The following CACNG7 variants were observed in gnomAD, a reference collection of about 807,000 sequenced individuals.
The protein encoded by CACNG7 is voltage-dependent calcium channel gamma-7 subunit.
A neutral mutation model predicts 26.3 loss-of-function variants in CACNG7; 9 were observed. The ratio of observed to expected loss-of-function variants is 0.34; its 90% CI spans 0.21 to 0.60. CACNG7 has a LOEUF of 0.60. CACNG7 is among the 20% of genes least tolerant of loss of function. The pLI is 0.81. For missense variants in CACNG7, 297 were observed against 380.4 expected (o/e 0.78, Z 1.82); for synonymous variants, 170 against 157.0 (o/e 1.08, Z -0.62).
At chr19:53,917,603 G>A (rs982577799) in intron 4 of CACNG7, among the ~76,000 whole-genome samples, 1 of 152,138 alleles carries the variant, frequency 6.6e-6, no homozygotes, top group East Asian at 1.9e-4. Context: ...GAATCACAGC[G>A]GGTGGAGCCC....
chr19:53,925,164 T>G (rs1185516228), intron 4 of CACNG7, among the ~76,000 whole-genome samples: 2 of 93,528 alleles, frequency 2.1e-5, no homozygotes, highest in African/African-American at 6.1e-5. Flanking sequence ...TTGCCCCAGG[T>G]CTGGTCATTG....
At chr19:53,915,117 G>A (rs1488295912) in intron 3 of CACNG7, among the ~76,000 whole-genome samples, 1 of 151,922 alleles carries the variant, frequency 6.6e-6, no homozygotes, top group Admixed American at 6.6e-5. Context: ...GGTGAGGAGC[G>A]GTCAATCAGA....
intron 4 of CACNG7, among the ~76,000 whole-genome samples, chr19:53,934,930 A>T (rs1004248564): frequency 6.6e-6 from 1 of 152,016 alleles, no homozygotes; most frequent in Non-Finnish European, 1.5e-5. Context: ...ATGAACTCTC[A>T]TATCCTTCAC....
Position 53,922,131 on chromosome 19 carries a change from G to T in CACNG7, c.424+6626G>T, listed in dbSNP as rs1332534781. 4.1e-5 allele frequency among the ~76,000 whole-genome samples: 5 copies of T among 120,798 alleles called. 1 individual carries two copies. Among genetic ancestry groups the T allele is most frequent in the Non-Finnish European group, 8.4e-5 (5 of 59,272 alleles). 79.2% of individuals were successfully genotyped at this position (120,798 alleles called of 152,430 possible). On this transcript the variant is annotated intron_variant, in intron 4 of 5. Transcript: ENST00000391767. ...CATTGGTGGAGTTGCCCCAGGCCTG[G>T]TCATTGGTGGAGTTGTCCCCAGGTC... is the stretch of plus-strand genomic sequence containing the variant.
intron 4 of CACNG7, among the ~76,000 whole-genome samples, chr19:53,941,024 T>C (rs966480001): frequency 6.7e-6 from 1 of 150,204 alleles, no homozygotes; most frequent in Non-Finnish European, 1.5e-5. Context: ...ATCGGGCCAC[T>C]GCACTCCAGC....
chr19:53,934,122 C>T (rs2069090581), intron 4 of CACNG7, among the ~76,000 whole-genome samples: 1 of 152,158 alleles, frequency 6.6e-6, no homozygotes, highest in South Asian at 2.1e-4. Context: ...GTCTCAAACT[C>T]CTGACCTCAG....
In CACNG7 at chr19:53,922,345, C is replaced by T. The variant is rs777263647; in HGVS notation, c.424+6840C>T. Among the ~76,000 whole-genome samples, 110 of 48,248 alleles carry T rather than the reference C, an allele frequency of 2.3e-3. 6 individuals carry two copies. Among genetic ancestry groups the T allele is most frequent in the African/African-American group, 7.2e-3 (48 of 6,628 alleles). The allele number at this position is 48,248 out of a possible 152,430, so 31.7% of individuals were successfully genotyped here. On this transcript the variant is annotated intron_variant, in intron 4 of 5. Transcript: ENST00000391767. Reference sequence around the variant, plus strand: ...GGTCATTGGTGGAGTTGTCCCCAGGCCTGGTCATTGGTGGAGTTGTCCCCA... The same window carrying T: ...GGTCATTGGTGGAGTTGTCCCCAGGTCTGGTCATTGGTGGAGTTGTCCCCA...
chr19:53,942,663 C>A lies in CACNG7; in HGVS notation c.*370C>A. ...GCAAGCGCCCAGCTCCCCAGAGCTCCCCAACCTCGGACCTCACCGCAGGGG... is the reference window on the plus strand; with the variant it reads ...GCAAGCGCCCAGCTCCCCAGAGCTCACCAACCTCGGACCTCACCGCAGGGG... On this transcript the variant is annotated 3_prime_UTR_variant, in exon 6 of 6. Coordinates refer to ENST00000391767, the MANE Select transcript of CACNG7 (RefSeq NM_031896.5). The surrounding 1 kb of genome is among the most constrained non-coding windows in gnomAD (Gnocchi z 5.9). 1.1e-6 allele frequency: 1 copy of A among 926,478 alleles called. No homozygotes were observed. The highest frequency in any genetic ancestry group is 1.4e-6 in the Non-Finnish European group (1 of 739,816). The allele number at this position is 926,478 out of a possible 1,614,324, so 57.4% of individuals were successfully genotyped here. A position where few individuals can be genotyped will look rare whatever the true frequency, so the allele number is the denominator to read the frequency against.
Position 53,941,457 on chromosome 19 carries a change from T to C in CACNG7, c.425-13T>C. ...ACTTCTAATGGACGAGGGCACCCCCTCTGCTCCCCTAGGCCTCTCCTTGGT... is the reference window on the plus strand; with the variant it reads ...ACTTCTAATGGACGAGGGCACCCCCCCTGCTCCCCTAGGCCTCTCCTTGGT... On this transcript the variant is annotated splice_polypyrimidine_tract_variant and intron_variant, in intron 4 of 5. Coordinates refer to ENST00000391767, the MANE Select transcript of CACNG7 (RefSeq NM_031896.5). 1 of 1,524,846 alleles carries C rather than the reference T, an allele frequency of 6.6e-7. No homozygotes were observed. Among genetic ancestry groups the C allele is most frequent in the Non-Finnish European group, 8.8e-7 (1 of 1,142,476 alleles). The allele number at this position is 1,524,846 out of a possible 1,614,324, so 94.5% of individuals were successfully genotyped here.
In CACNG7 at chr19:53,909,452, A is replaced by C. The variant is rs986480411; in HGVS notation, c.-95A>C. 1.3e-5 allele frequency: 2 copies of C among 149,726 alleles called. No homozygotes were observed. The highest frequency in any genetic ancestry group is 1.5e-5 in the Non-Finnish European group (1 of 67,032). 9.3% of individuals were successfully genotyped at this position (149,726 alleles called of 1,614,324 possible). Reference sequence around the variant, plus strand: ...GGTGGCGGCGGCGGCGGCCGGGGGAAGCCTCGGGGCCGGTCATGCGGCTGC... The same window carrying C: ...GGTGGCGGCGGCGGCGGCCGGGGGACGCCTCGGGGCCGGTCATGCGGCTGC... On this transcript the variant is annotated 5_prime_UTR_variant, in exon 1 of 6. Transcript: ENST00000391767. This position sits in a 1 kb window ranked among gnomAD's most constrained non-coding sequence, Gnocchi z 5.1.
intron 4 of CACNG7, among the ~76,000 whole-genome samples, chr19:53,928,007 T>C (rs7252013): frequency 0.068 from 10,205 of 149,308 alleles, 539 homozygotes; most frequent in African/African-American, 0.14. Context: ...ACAAAGCAGA[T>C]GTAGTTGAGG....
chr19:53,937,917 C>G (rs2069115273), intron 4 of CACNG7, among the ~76,000 whole-genome samples: 1 of 152,010 alleles, frequency 6.6e-6, no homozygotes, highest in South Asian at 2.1e-4. Flanking sequence ...AAAGAGGCAA[C>G]AAGTGAGGAG....
chr19:53,913,712 A>G (rs2068874862), intron 2 of CACNG7, among the ~76,000 whole-genome samples: 2 of 141,940 alleles, frequency 1.4e-5, no homozygotes, highest in Admixed American at 7.4e-5. Context: ...TGTGTCCAGG[A>G]GTTCGAGGCT....
intron 4 of CACNG7, among the ~76,000 whole-genome samples, chr19:53,920,004 G>T (rs2068928538): frequency 8.5e-6 from 1 of 117,808 alleles, no homozygotes; most frequent in Admixed American, 8.4e-5. Flanking sequence ...TGGTGGAGTT[G>T]CCCCAGGTCT....
In CACNG7 at chr19:53,942,644, G is replaced by C. The variant is rs534642644; in HGVS notation, c.*351G>C. On this transcript the variant is annotated 3_prime_UTR_variant, in exon 6 of 6. Coordinates refer to ENST00000391767, the MANE Select transcript of CACNG7 (RefSeq NM_031896.5). The surrounding 1 kb of genome is among the most constrained non-coding windows in gnomAD (Gnocchi z 5.9). Reference sequence around the variant, plus strand: ...GGGAGCAGCCAGAGGCGGTGCAAGCGCCCAGCTCCCCAGAGCTCCCCAACC... The same window carrying C: ...GGGAGCAGCCAGAGGCGGTGCAAGCCCCCAGCTCCCCAGAGCTCCCCAACC... The C allele has an allele frequency of 6.8e-5, 73 of 1,070,798 alleles. No individual in the cohort carries two copies. In the African/African-American group the frequency reaches 1.1e-3, roughly 17 times the overall value. The allele number at this position is 1,070,798 out of a possible 1,614,324, so 66.3% of individuals were successfully genotyped here. A position where few individuals can be genotyped will look rare whatever the true frequency, so the allele number is the denominator to read the frequency against.
In CACNG7 at chr19:53,941,624, C is replaced by T. The variant is rs752451034; in HGVS notation, c.570+9C>T. ...CCTTCCTACTCAAAGAGGTGACGTCCGTGGGACCTAGACTCTAGAGTTCTG... is the reference window on the plus strand; with the variant it reads ...CCTTCCTACTCAAAGAGGTGACGTCTGTGGGACCTAGACTCTAGAGTTCTG... On this transcript the variant is annotated intron_variant, in intron 5 of 5. Transcript: ENST00000391767. 1.2e-6 allele frequency: 2 copies of T among 1,610,670 alleles called. No homozygotes were observed. The highest frequency in any genetic ancestry group is 1.1e-5 in the South Asian group (1 of 90,496).
Position 53,942,039 on chromosome 19 carries a change from G to A in CACNG7, c.574G>A (p.Ala192Thr). Reference protein sequence around the residue: ...AASSFLLKEGAGVMSVYLFTK... With the variant: ...AASSFLLKEGTGVMSVYLFTK... ...CTCTGACCTTGCCTTGCCGCAGGGG[G>A]CCGGCGTGATGTCCGTGTACCTGTT... The change falls in exon 6 of 6, where the codon GCC (alanine) becomes ACC (threonine). Residue 192 changes from alanine (A) to threonine (T), a missense_variant. Coordinates refer to ENST00000391767, the MANE Select transcript of CACNG7 (RefSeq NM_031896.5). This position sits in a 1 kb window ranked among gnomAD's most constrained non-coding sequence, Gnocchi z 5.9. 1 of 1,587,444 alleles carries A rather than the reference G, an allele frequency of 6.3e-7. No homozygotes were observed. Among genetic ancestry groups the A allele is most frequent in the East Asian group, 2.3e-5 (1 of 44,174 alleles).
chr19:53,910,355 A>G (rs1346831151), intron 1 of CACNG7, among the ~76,000 whole-genome samples: 4 of 133,004 alleles, frequency 3.0e-5, no homozygotes, highest in Non-Finnish European at 6.4e-5. Flanking sequence ...GGAGGCCTCC[A>G]AGAGGTTGGG....
At chr19:53,920,707 C>G (rs1425776506) in intron 4 of CACNG7, among the ~76,000 whole-genome samples, 8 of 111,818 alleles carry the variant, frequency 7.2e-5, no homozygotes, top group African/African-American at 3.8e-4. Flanking sequence ...TGCTCCAGGT[C>G]TGGTCATTGG....
Sources: allele counts gnomAD v4.1 joint callset (sites outside exome capture counted in the v4.1 genomes callset), GRCh38; gene constraint gnomAD v4.1.1; non-coding constraint Gnocchi (gnomAD v3.1); transcripts MANE v1.5; gene names NCBI Gene and HGNC (gene_info 2026-07-23, HGNC 2026-07-21).